The following PRKN variants were observed in gnomAD, a reference collection of about 807,000 sequenced individuals.
The protein encoded by PRKN is parkin RBR E3 ubiquitin protein ligase.
In PRKN, 56 loss-of-function variants were observed where a neutral mutation model predicts 59.5. That is an observed-to-expected ratio of 0.94 (90% confidence interval 0.76 to 1.18). PRKN has a LOEUF of 1.18. Among genes scored for constraint, PRKN ranks in the 50% most tolerant of loss-of-function variants. The probability of loss-of-function intolerance (pLI) is 0.00; values close to 1 mark genes in which losing one functional copy is unlikely to be tolerated. For missense variants in PRKN, 657 were observed against 596.4 expected (o/e 1.10, Z -1.06); for synonymous variants, 250 against 222.1 (o/e 1.13, Z -1.12).
intron 2 of PRKN, among the ~76,000 whole-genome samples, chr6:162,354,424 G>T (rs1784757657): frequency 6.6e-6 from 1 of 152,012 alleles, no homozygotes; most frequent in Non-Finnish European, 1.5e-5. Flanking sequence ...ACAATGGGGA[G>T]ATCAGACCTT....
Position 161,575,873 on chromosome 6 carries a change from G to A in PRKN, c.872-6457C>T, listed in dbSNP as rs781593779. Among the ~76,000 whole-genome samples, 4 of 152,222 alleles carry A rather than the reference G, an allele frequency of 2.6e-5. No individual in the cohort carries two copies. Among genetic ancestry groups the A allele is most frequent in the Admixed American group, 6.5e-5 (1 of 15,282 alleles). On this transcript the variant is annotated intron_variant, in intron 7 of 11. Transcript: ENST00000366898. The surrounding 1 kb of genome is among the most constrained non-coding windows in gnomAD (Gnocchi z 4.6). ...TAAGTACAACTTAGAAAAGGAAACC[G>A]ACTAACGACAAAATGGCATCAAAAA...
chr6:162,110,518 C>T (rs372491371), intron 4 of PRKN, among the ~76,000 whole-genome samples: 1 of 152,138 alleles, frequency 6.6e-6, no homozygotes, highest in Non-Finnish European at 1.5e-5. Context: ...CAAATGTAAA[C>T]AAACAATATA....
At chr6:161,700,240 A>G (rs1323930779) in intron 7 of PRKN, among the ~76,000 whole-genome samples, 2 of 151,858 alleles carry the variant, frequency 1.3e-5, no homozygotes, top group Non-Finnish European at 2.9e-5. Flanking sequence ...CTTCACCTTG[A>G]TTTGGGGTCT....
intron 1 of PRKN, among the ~76,000 whole-genome samples, chr6:162,577,938 T>A (rs909195490): frequency 2.6e-5 from 4 of 152,146 alleles, no homozygotes; most frequent in African/African-American, 9.7e-5. Context: ...CAAAAACCTA[T>A]AATTAATTTA....
intron 7 of PRKN, among the ~76,000 whole-genome samples, chr6:161,676,679 T>C (rs1435846705): frequency 1.1e-4 from 16 of 152,176 alleles, no homozygotes; most frequent in Admixed American, 1.0e-3. Flanking sequence ...TCTGGCTCTC[T>C]GCAGGAAAAG....
At chr6:162,703,383 A>G (rs1778227019) in intron 1 of PRKN, among the ~76,000 whole-genome samples, 1 of 152,206 alleles carries the variant, frequency 6.6e-6, no homozygotes, top group African/African-American at 2.4e-5. Flanking sequence ...ATTCTTGTCA[A>G]TTAACATGTG....
intron 9 of PRKN, among the ~76,000 whole-genome samples, chr6:161,476,567 T>C (rs901131127): frequency 1.3e-5 from 2 of 152,178 alleles, no homozygotes; most frequent in Admixed American, 6.5e-5. Context: ...AAGATGTTAT[T>C]GAGAGTTCCC....
At chr6:161,382,036 C>A (rs147424159) in intron 10 of PRKN, among the ~76,000 whole-genome samples, 1 of 143,888 alleles carries the variant, frequency 6.9e-6, no homozygotes, top group African/African-American at 2.6e-5. Context: ...GGCGTGAACC[C>A]GGGAGGCAGA....
chr6:161,850,699 A>C (rs1793397332), intron 6 of PRKN, among the ~76,000 whole-genome samples: 2 of 151,930 alleles, frequency 1.3e-5, no homozygotes, highest in Admixed American at 6.6e-5. Context: ...GCAAAACTTG[A>C]GACAATAAGG....
At chr6:161,869,558 A>T (rs1223254654) in intron 6 of PRKN, among the ~76,000 whole-genome samples, 1 of 152,208 alleles carries the variant, frequency 6.6e-6, no homozygotes, top group Non-Finnish European at 1.5e-5. Context: ...GAGCATACTT[A>T]AAACGAATGC....
At chr6:162,361,666 T>G (rs902506528) in intron 2 of PRKN, among the ~76,000 whole-genome samples, 2 of 152,172 alleles carry the variant, frequency 1.3e-5, no homozygotes, top group Non-Finnish European at 2.9e-5. Context: ...TATTCTTTAT[T>G]TATAAAAAAA....
intron 2 of PRKN, among the ~76,000 whole-genome samples, chr6:162,279,998 C>CA (rs368759506): frequency 3.3e-4 from 50 of 150,214 alleles, no homozygotes; most frequent in African/African-American, 1.2e-3. Flanking sequence ...GCAAACTCTC[C>CA]TTTTTTTTTG....
intron 7 of PRKN, among the ~76,000 whole-genome samples, chr6:161,699,721 T>A (rs56065723): frequency 0.25 from 37,808 of 151,926 alleles, 6,434 homozygotes; most frequent in African/African-American, 0.46. Context: ...AAAGACAGGG[T>A]TGTGTCAGAG....
intron 4 of PRKN, among the ~76,000 whole-genome samples, chr6:162,180,015 T>C (rs1392878061): frequency 1.3e-5 from 2 of 151,088 alleles, no homozygotes; most frequent in African/African-American, 4.9e-5. Context: ...TGTATGTGTG[T>C]AGCAAAGTCT....
intron 5 of PRKN, among the ~76,000 whole-genome samples, chr6:162,043,738 G>T (rs1050603396): frequency 6.6e-6 from 1 of 152,184 alleles, no homozygotes. Flanking sequence ...ACAGAAAAGG[G>T]TCCTCAGTTT....
At chr6:161,367,249 G>A (rs1785245732) in intron 10 of PRKN, among the ~76,000 whole-genome samples, 3 of 151,898 alleles carry the variant, frequency 2.0e-5, no homozygotes, top group African/African-American at 7.2e-5. Flanking sequence ...CCAAAGTGCT[G>A]GGATTACAGG....
At chr6:161,628,513 T>G (rs1368270784) in intron 7 of PRKN, among the ~76,000 whole-genome samples, 1 of 152,230 alleles carries the variant, frequency 6.6e-6, no homozygotes, top group Non-Finnish European at 1.5e-5. Flanking sequence ...ACCATCACCT[T>G]GAGGGTTAGG....
intron 2 of PRKN, among the ~76,000 whole-genome samples, chr6:162,354,322 T>C (rs1440378095): frequency 6.6e-6 from 1 of 152,088 alleles, no homozygotes; most frequent in Admixed American, 6.5e-5. Flanking sequence ...AGGCAGATAG[T>C]GGCAACTTTT....
intron 1 of PRKN, among the ~76,000 whole-genome samples, chr6:162,523,695 C>T (rs761001983): frequency 4.6e-5 from 7 of 151,784 alleles, no homozygotes; most frequent in Non-Finnish European, 8.8e-5. Context: ...TTGGTTATTA[C>T]AACAGATTTG....
Sources: allele counts gnomAD v4.1 joint callset (sites outside exome capture counted in the v4.1 genomes callset), GRCh38; gene constraint gnomAD v4.1.1; non-coding constraint Gnocchi (gnomAD v3.1); transcripts MANE v1.5; gene names NCBI Gene and HGNC (gene_info 2026-07-23, HGNC 2026-07-21).